DNMBP: variants seen among roughly 807,000 people sequenced by gnomAD.
DNMBP encodes the protein dynamin-binding protein.
DNMBP carries 87 observed loss-of-function variants against 150.0 expected under a neutral mutation model. The observed-to-expected ratio is 0.58, with a 90% CI of 0.49 to 0.69. The LOEUF (loss-of-function observed/expected upper bound fraction) is 0.69. DNMBP is among the 30% of genes least tolerant of loss of function. DNMBP has a pLI of 0.00. For missense variants in DNMBP, 1,774 were observed against 1,949.0 expected (o/e 0.91, Z 1.69); for synonymous variants, 711 against 750.4 (o/e 0.95, Z 0.86).
At chr10:99,929,139 G>A (rs2040116057) in intron 4 of DNMBP, among the ~76,000 whole-genome samples, 3 of 150,618 alleles carry the variant, frequency 2.0e-5, no homozygotes, top group African/African-American at 7.3e-5. Context: ...ATGAGATCTT[G>A]TTTCAAAAAA....
chr10:99,980,138 T>C (rs1424893783), intron 1 of DNMBP, among the ~76,000 whole-genome samples: 1 of 152,072 alleles, frequency 6.6e-6, no homozygotes, highest in Non-Finnish European at 1.5e-5. Context: ...AGAAAACATA[T>C]TCAGAAATAA....
intron 3 of DNMBP, among the ~76,000 whole-genome samples, chr10:99,961,671 A>C (rs34207155): frequency 0.044 from 6,758 of 152,334 alleles, 165 homozygotes; most frequent in South Asian, 0.088. Context: ...CAATTGATTC[A>C]TGACAAATCA....
At chr10:99,989,356 G>A (rs961861094) in intron 1 of DNMBP, among the ~76,000 whole-genome samples, 4 of 152,186 alleles carry the variant, frequency 2.6e-5, no homozygotes, top group Non-Finnish European at 4.4e-5. Context: ...TCTGCCATTA[G>A]AAGAGCATGC....
chr10:99,909,357 C>T (rs1007387993), intron 4 of DNMBP, among the ~76,000 whole-genome samples: 5 of 152,164 alleles, frequency 3.3e-5, no homozygotes, highest in Non-Finnish European at 7.3e-5. Context: ...CTGTGCAATA[C>T]CATTTTGAGA....
intron 1 of DNMBP, among the ~76,000 whole-genome samples, chr10:99,988,192 C>T (rs966366314): frequency 6.6e-6 from 1 of 152,198 alleles, no homozygotes; most frequent in African/African-American, 2.4e-5. Context: ...GTTAAATCAA[C>T]CTTGCATTCC....
At chr10:99,957,532 A>G (rs529511350) in intron 3 of DNMBP, 11 of 288,564 alleles carry the variant, frequency 3.8e-5, no homozygotes, top group African/African-American at 1.5e-4. Context: ...TGAAAAAGCA[A>G]TGGTGATTAA....
intron 4 of DNMBP, among the ~76,000 whole-genome samples, chr10:99,917,033 T>C (rs1421835044): frequency 1.3e-5 from 2 of 151,774 alleles, no homozygotes; most frequent in African/African-American, 4.8e-5. Context: ...AGGGCCCAGG[T>C]AAATAAACTA....
intron 12 of DNMBP, 80 bp downstream of exon 12, chr10:99,888,745 C>T (rs1435412064): frequency 8.4e-6 from 13 of 1,556,044 alleles, no homozygotes; most frequent in East Asian, 6.8e-5. Context: ...GGCCTGTGTC[C>T]GTGGAACTGA....
chr10:99,914,043 C>T (rs1357654024), intron 4 of DNMBP: 2 of 1,498,224 alleles, frequency 1.3e-6, no homozygotes, highest in Admixed American at 2.3e-5. Flanking sequence ...GAATGCTCCA[C>T]AACCCCCCAA....
At chr10:99,964,127 TTC>T (rs1057091814) in intron 3 of DNMBP, among the ~76,000 whole-genome samples, 3 of 149,564 alleles carry the variant, frequency 2.0e-5, no homozygotes, top group South Asian at 2.1e-4. Flanking sequence ...CCTTGTCCTA[TTC>T]TCTCTCTTTT....
intron 11 of DNMBP, among the ~76,000 whole-genome samples, chr10:99,893,508 G>A (rs2039606078): frequency 1.3e-5 from 2 of 152,040 alleles, no homozygotes; most frequent in South Asian, 4.2e-4. Flanking sequence ...GACCAAGGTG[G>A]GTGGATCATG....
At chr10:99,969,997 A>G (rs2040658401) in intron 2 of DNMBP, among the ~76,000 whole-genome samples, 1 of 152,150 alleles carries the variant, frequency 6.6e-6, no homozygotes, top group Non-Finnish European at 1.5e-5. Context: ...TTACCATGGC[A>G]TACTCTGTCT....
intron 4 of DNMBP, among the ~76,000 whole-genome samples, chr10:99,925,493 G>A (rs907058283): frequency 2.0e-5 from 3 of 151,992 alleles, no homozygotes; most frequent in Admixed American, 1.3e-4. Context: ...TCAGCTCACT[G>A]CAACCTCCAC....
At chr10:99,942,427 T>TTG (rs2040310624) in intron 4 of DNMBP, among the ~76,000 whole-genome samples, 1 of 152,182 alleles carries the variant, frequency 6.6e-6, no homozygotes, top group Non-Finnish European at 1.5e-5. Context: ...TTGGGTCTTA[T>TTG]TACATCTGGT....
chr10:99,971,874 A>G (rs11593499), intron 2 of DNMBP, 106 bp downstream of exon 2: 320,081 of 811,368 alleles, frequency 0.39, 71,052 homozygotes, highest in African/African-American at 0.63. Context: ...TTTTTTTTTT[A>G]AGACAGGGTC....
At chr10:99,966,288 C>G (rs933047487) in intron 3 of DNMBP, among the ~76,000 whole-genome samples, 1 of 152,210 alleles carries the variant, frequency 6.6e-6, no homozygotes, top group African/African-American at 2.4e-5. Flanking sequence ...ATTAGTACAT[C>G]TCATTCTAGT....
chr10:99,991,760 G>T (rs1035519182), intron 1 of DNMBP, among the ~76,000 whole-genome samples: 7 of 151,698 alleles, frequency 4.6e-5, no homozygotes, highest in African/African-American at 1.7e-4. Context: ...CAAAAAGTTA[G>T]CCAGGCGTGG....
rs1353096208 is a variant in DNMBP at position 99,985,254 on chromosome 10, AG to A, written c.-10-13121del. Among the ~76,000 whole-genome samples, 4 of 152,320 alleles carry A rather than the reference AG, an allele frequency of 2.6e-5. No individual in the cohort carries two copies. The East Asian group carries it at 7.7e-4, about 29-fold the overall frequency. On this transcript the variant is annotated intron_variant, in intron 1 of 16. Coordinates refer to ENST00000324109, the MANE Select transcript of DNMBP (RefSeq NM_015221.4). Reference sequence around the variant, plus strand: ...TGAGCACCATGGAAAACCAGGGACGAGCAGCTTTACACAAACAACAACAAAA... The same window carrying A: ...TGAGCACCATGGAAAACCAGGGACGACAGCTTTACACAAACAACAACAAAA...
chr10:99,957,090 T>C lies in DNMBP; in HGVS notation c.384A>G (p.Ser128=), dbSNP rs1258473451. Residue 128 remains serine (S), a synonymous_variant, in exon 4 of 17, where the codon TCA becomes TCG. Coordinates refer to ENST00000324109, the MANE Select transcript of DNMBP (RefSeq NM_015221.4). ...TCTGGGAGTGCCACTGCCGGCTCTGTGAGGAGAGGCAGAGCTCGCGGACAC... is the reference window on the plus strand; with the variant it reads ...TCTGGGAGTGCCACTGCCGGCTCTGCGAGGAGAGGCAGAGCTCGCGGACAC... The part of the protein sequence containing the change: ...SSCVRELCLS[S]QSRQWHSQSA... 1 of 1,613,838 alleles carries C rather than the reference T, an allele frequency of 6.2e-7. No homozygotes were observed. Among genetic ancestry groups the C allele is most frequent in the Admixed American group, 1.7e-5 (1 of 59,980 alleles).
Sources: gnomAD v4.1 joint callset for allele counts (sites outside exome capture counted in the v4.1 genomes callset) on GRCh38, gnomAD v4.1.1 for gene constraint, MANE v1.5 for transcripts, NCBI Gene and HGNC (gene_info 2026-07-23, HGNC 2026-07-21) for gene names.